The following DPP10 variants were observed in gnomAD, a reference collection of about 807,000 sequenced individuals.
DPP10 encodes inactive dipeptidyl peptidase 10.
In DPP10, 33 loss-of-function variants were observed where a neutral mutation model predicts 120.9. The observed-to-expected ratio is 0.27, with a 90% CI of 0.21 to 0.37. The LOEUF is 0.37. Among genes scored for constraint, DPP10 ranks in the 10% least tolerant of loss-of-function variants. The pLI is 1.00. For synonymous variants in DPP10, 337 were observed against 326.1 expected, an observed-to-expected ratio of 1.03 and a Z score of -0.36; for missense variants, 816 against 942.8, an observed-to-expected ratio of 0.87 and a Z score of 1.76.
At chr2:115,758,159 A>T (rs1471394663) in intron 11 of DPP10, among the ~76,000 whole-genome samples, 1 of 152,130 alleles carries the variant, frequency 6.6e-6, no homozygotes, top group African/African-American at 2.4e-5. Context: ...CAAAATCACA[A>T]TTTGTAAGGA....
chr2:114,882,957 C>T (rs1691767278), intron 1 of DPP10, among the ~76,000 whole-genome samples: 1 of 152,184 alleles, frequency 6.6e-6, no homozygotes, highest in South Asian at 2.1e-4. Context: ...CTCTATTGGG[C>T]TATTCAGTTG....
chr2:115,779,597 T>G (rs1013824453), intron 15 of DPP10, among the ~76,000 whole-genome samples: 3 of 151,826 alleles, frequency 2.0e-5, no homozygotes, highest in African/African-American at 7.3e-5. Flanking sequence ...TATGGAAGAG[T>G]AGAGAGAAAA....
At chr2:114,969,947 A>G (rs749144658) in intron 1 of DPP10, among the ~76,000 whole-genome samples, 1 of 152,152 alleles carries the variant, frequency 6.6e-6, no homozygotes, top group Non-Finnish European at 1.5e-5. Context: ...TTCATCTGTT[A>G]TAGATGCTAT....
intron 21 of DPP10, among the ~76,000 whole-genome samples, chr2:115,829,614 A>G: frequency 6.6e-6 from 1 of 152,178 alleles, no homozygotes; most frequent in Non-Finnish European, 1.5e-5. Flanking sequence ...CACAAGATGT[A>G]GCTTTCATCT....
chr2:114,619,452 A>T (rs1366998107), intron 1 of DPP10, among the ~76,000 whole-genome samples: 1 of 151,596 alleles, frequency 6.6e-6, no homozygotes. Context: ...AAATCCAAAC[A>T]TCAGAATGTC....
At chr2:115,418,220 G>A (rs1006738098) in intron 3 of DPP10, among the ~76,000 whole-genome samples, 1 of 152,108 alleles carries the variant, frequency 6.6e-6, no homozygotes, top group Non-Finnish European at 1.5e-5. Flanking sequence ...TTTTGGTCTG[G>A]CCAGCTAAAA....
chr2:115,472,798 A>T (rs1331181014), intron 3 of DPP10, among the ~76,000 whole-genome samples: 6 of 152,240 alleles, frequency 3.9e-5, no homozygotes. Context: ...GCAGTATTGC[A>T]GTGGCTTCAG....
intron 1 of DPP10, chr2:115,050,004 G>A (rs763238833): frequency 2.7e-4 from 41 of 152,098 alleles, no homozygotes; most frequent in Non-Finnish European, 2.4e-4. Context: ...GATTCCGTAA[G>A]TCCGTAGGAA....
At chr2:114,484,345 C>G (rs1681314665) in intron 1 of DPP10, among the ~76,000 whole-genome samples, 1 of 152,094 alleles carries the variant, frequency 6.6e-6, no homozygotes, top group Admixed American at 6.6e-5. Context: ...AGCTTGAGGA[C>G]TTTCCTGACC....
chr2:115,347,299 C>T (rs1437734330), intron 3 of DPP10, among the ~76,000 whole-genome samples: 1 of 152,106 alleles, frequency 6.6e-6, no homozygotes, highest in African/African-American at 2.4e-5. Flanking sequence ...TTCTTGGCCT[C>T]CCTGTGTAGC....
chr2:115,352,106 T>C (rs1350281556), intron 3 of DPP10, among the ~76,000 whole-genome samples: 1 of 152,034 alleles, frequency 6.6e-6, no homozygotes, highest in Non-Finnish European at 1.5e-5. Flanking sequence ...CAAAAAAGTA[T>C]GTAAGAAAAA....
intron 1 of DPP10, among the ~76,000 whole-genome samples, chr2:115,157,798 C>T (rs1464051994): frequency 6.6e-6 from 1 of 152,198 alleles, no homozygotes; most frequent in Non-Finnish European, 1.5e-5. Context: ...TCTGAAGACA[C>T]AGCTCGTGAA....
At position 115,669,080 on chromosome 2, in the gene DPP10, A is replaced by G. The variant is rs1250472464; in HGVS notation, c.442-20607A>G. 2.6e-5 allele frequency among the ~76,000 whole-genome samples: 4 copies of G among 152,124 alleles called. No homozygotes were observed. The East Asian group carries it at 7.7e-4, about 29-fold the overall frequency. On this transcript the variant is annotated intron_variant, in intron 5 of 25. Transcript: ENST00000410059. ...GCTTTTGTTCTACAGTAAATATAGA[A>G]AAGGATCTGGTTTCTTAGACTAGGG...
rs570351460 is a variant in DPP10 at position 115,004,796 on chromosome 2, C to A, written c.61-304443C>A. Among the ~76,000 whole-genome samples, 1,428 of 151,984 alleles carry A rather than the reference C, an allele frequency of 9.4e-3. 30 individuals carry two copies. The highest frequency in any genetic ancestry group is 0.033 in the African/African-American group (1,360 of 41,488). ...GGCGGCAGCGAGGCTGGGGGAGGGGCGCCCACCATTGCCCAGGCTTGCTTA... is the reference window on the plus strand; with the variant it reads ...GGCGGCAGCGAGGCTGGGGGAGGGGAGCCCACCATTGCCCAGGCTTGCTTA... On this transcript the variant is annotated intron_variant, in intron 1 of 25. Coordinates refer to ENST00000410059, the MANE Select transcript of DPP10 (RefSeq NM_020868.6).
chr2:115,260,748 T>G (rs886242857), intron 1 of DPP10, among the ~76,000 whole-genome samples: 5 of 152,184 alleles, frequency 3.3e-5, no homozygotes, highest in Admixed American at 2.6e-4. Flanking sequence ...TTTTTTTGGT[T>G]TGTTCTTAAA....
At chr2:115,007,376 C>A (rs558194459) in intron 1 of DPP10, among the ~76,000 whole-genome samples, 10 of 152,138 alleles carry the variant, frequency 6.6e-5, no homozygotes, top group Non-Finnish European at 1.2e-4. Flanking sequence ...ATTCAACAAC[C>A]TTTCATGCTA....
intron 1 of DPP10, among the ~76,000 whole-genome samples, chr2:115,198,554 A>G (rs936727000): frequency 1.3e-5 from 2 of 152,152 alleles, no homozygotes; most frequent in African/African-American, 2.4e-5. Flanking sequence ...ATCTTCTCTC[A>G]GATTTCTTCA....
At chr2:114,558,921 A>C (rs554831048) in intron 1 of DPP10, among the ~76,000 whole-genome samples, 55 of 152,262 alleles carry the variant, frequency 3.6e-4, no homozygotes, top group Admixed American at 6.5e-4. Context: ...TGGGTATTTC[A>C]ATATAGTCAT....
chr2:114,540,901 G>C (rs1328535908), intron 1 of DPP10, among the ~76,000 whole-genome samples: 1 of 152,126 alleles, frequency 6.6e-6, no homozygotes, highest in African/African-American at 2.4e-5. Flanking sequence ...GCTGTGAACT[G>C]CCTTCAGAAA....
Sources: gnomAD v4.1 joint callset for allele counts (sites outside exome capture counted in the v4.1 genomes callset) on GRCh38, gnomAD v4.1.1 for gene constraint, MANE v1.5 for transcripts, NCBI Gene and HGNC (gene_info 2026-07-23, HGNC 2026-07-21) for gene names.